The following GABRA5 variants were observed in gnomAD, a reference collection of about 807,000 sequenced individuals.
GABRA5 encodes gamma-aminobutyric acid type A receptor subunit alpha5.
Under a neutral mutation model 47.3 loss-of-function variants are expected in GABRA5, and 18 were observed. That is an observed-to-expected ratio of 0.38 (90% confidence interval 0.26 to 0.56). The LOEUF (loss-of-function observed/expected upper bound fraction) is 0.56, where lower values mean the gene tolerates loss of function less well. Ranked by LOEUF, GABRA5 falls within the 20% of genes least tolerant of loss-of-function variation. The pLI, the probability that GABRA5 is intolerant of heterozygous loss-of-function variation, is 0.71. For synonymous variants in GABRA5, 237 were observed against 229.3 expected (o/e 1.03, Z -0.30); for missense variants, 365 against 599.3 (o/e 0.61, Z 4.08).
chr15:26,911,354 C>T (rs975260308), intron 6 of GABRA5, among the ~76,000 whole-genome samples: 1 of 145,586 alleles, frequency 6.9e-6, no homozygotes, highest in African/African-American at 2.6e-5. Flanking sequence ...CCCTCCCTGC[C>T]CCCACCCTTG....
intron 1 of GABRA5, among the ~76,000 whole-genome samples, chr15:26,868,473 G>GA (rs1438935318): frequency 6.6e-6 from 1 of 152,248 alleles, no homozygotes. Flanking sequence ...CGCATACTGA[G>GA]AAATGCGTGT....
chr15:26,897,505 T>C (rs1893226999), intron 6 of GABRA5, among the ~76,000 whole-genome samples: 3 of 152,154 alleles, frequency 2.0e-5, no homozygotes, highest in African/African-American at 7.2e-5. Context: ...CAGCCCGTGG[T>C]ACTTTGTAAT....
chr15:26,888,165 T>G (rs1266472690), intron 6 of GABRA5, among the ~76,000 whole-genome samples: 3 of 152,194 alleles, frequency 2.0e-5, no homozygotes, highest in Admixed American at 6.5e-5. Flanking sequence ...AACTTATCCA[T>G]GATGTTGGCT....
At chr15:26,909,518 G>A (rs1313479252) in intron 6 of GABRA5, among the ~76,000 whole-genome samples, 1 of 152,176 alleles carries the variant, frequency 6.6e-6, no homozygotes, top group Non-Finnish European at 1.5e-5. Context: ...AAGGGTCCCA[G>A]GAGGCTACAG....
intron 3 of GABRA5, among the ~76,000 whole-genome samples, chr15:26,874,014 C>T (rs1210189339): frequency 6.6e-6 from 1 of 152,236 alleles, no homozygotes; most frequent in African/African-American, 2.4e-5. Flanking sequence ...AGGCACTGAG[C>T]AGGCAGGAGA....
intron 3 of GABRA5, among the ~76,000 whole-genome samples, chr15:26,874,960 C>T (rs1892557152): frequency 6.6e-6 from 1 of 152,234 alleles, no homozygotes; most frequent in Non-Finnish European, 1.5e-5. Context: ...CGGCTTCGAT[C>T]TCTGTCCACA....
chr15:26,893,046 T>A (rs1011526236), intron 6 of GABRA5, among the ~76,000 whole-genome samples: 17 of 149,578 alleles, frequency 1.1e-4, no homozygotes, highest in Admixed American at 9.3e-4. Flanking sequence ...TGGAGTGTGG[T>A]GTGTCTGTTG....
chr15:26,941,035 TCC>T (rs942393544), intron 9 of GABRA5, among the ~76,000 whole-genome samples: 4 of 152,310 alleles, frequency 2.6e-5, no homozygotes, highest in Non-Finnish European at 5.9e-5. Flanking sequence ...ATCTTAATGC[TCC>T]CCCAGGGTGT....
intron 6 of GABRA5, among the ~76,000 whole-genome samples, chr15:26,907,702 G>A (rs961254642): frequency 1.3e-4 from 20 of 152,146 alleles, no homozygotes; most frequent in South Asian, 2.1e-4. Context: ...CCTGGCAGTG[G>A]CCTTTGGGTT....
intron 7 of GABRA5, among the ~76,000 whole-genome samples, chr15:26,933,319 A>G (rs971920017): frequency 1.6e-4 from 25 of 152,202 alleles, no homozygotes; most frequent in Admixed American, 6.5e-5. Context: ...CCATTTTAAG[A>G]CCAGATGACT....
At chr15:26,931,526 A>G (rs1894108159) in intron 7 of GABRA5, among the ~76,000 whole-genome samples, 1 of 152,206 alleles carries the variant, frequency 6.6e-6, no homozygotes, top group South Asian at 2.1e-4. Flanking sequence ...TTTGTGAAAG[A>G]CACAAACTTT....
In GABRA5 at chr15:26,906,344, T is replaced by C. The variant is rs112221714; in HGVS notation, c.498-8459T>C. On this transcript the variant is annotated intron_variant, in intron 6 of 10. Transcript: ENST00000335625. Reference sequence around the variant, plus strand: ...CCTCTCTCAGTCTTTGCAGATAGGGTCTGTGTGCATGTTAAAACACTCTTT... The same window carrying C: ...CCTCTCTCAGTCTTTGCAGATAGGGCCTGTGTGCATGTTAAAACACTCTTT... 4.1e-3 allele frequency among the ~76,000 whole-genome samples: 619 copies of C among 152,272 alleles called. 5 individuals are homozygous for C. Among genetic ancestry groups the C allele is most frequent in the African/African-American group, 0.014 (579 of 41,558 alleles).
chr15:26,876,380 C>T (rs778369135), intron 3 of GABRA5, among the ~76,000 whole-genome samples: 6 of 152,212 alleles, frequency 3.9e-5, no homozygotes, highest in African/African-American at 1.4e-4. Flanking sequence ...GTGTCTGGAT[C>T]GTGCCCTGGG....
chr15:26,893,411 G>GTGTAT (rs1893081690), intron 6 of GABRA5, among the ~76,000 whole-genome samples: 1 of 69,388 alleles, frequency 1.4e-5, no homozygotes, highest in Non-Finnish European at 3.0e-5. Flanking sequence ...TGTGTTGTGT[G>GTGTAT]TGTTGTGTGT....
At chr15:26,921,926 C>G (rs771673541) in intron 7 of GABRA5, among the ~76,000 whole-genome samples, 4 of 152,022 alleles carry the variant, frequency 2.6e-5, no homozygotes, top group Non-Finnish European at 5.9e-5. Flanking sequence ...TCATTGACTT[C>G]TAGTTTAATT....
chr15:26,875,613 G>A (rs1193383090), intron 3 of GABRA5, among the ~76,000 whole-genome samples: 1 of 152,194 alleles, frequency 6.6e-6, no homozygotes, highest in Non-Finnish European at 1.5e-5. Context: ...AGGAGGAATG[G>A]CGGGTGAATC....
intron 6 of GABRA5, among the ~76,000 whole-genome samples, chr15:26,901,765 T>C (rs2140280197): frequency 6.6e-6 from 1 of 152,304 alleles, no homozygotes; most frequent in South Asian, 2.1e-4. Context: ...TCTTATGTTA[T>C]AGGAGTTTTA....
At chr15:26,911,081 C>T (rs1430396124) in intron 6 of GABRA5, among the ~76,000 whole-genome samples, 1 of 152,054 alleles carries the variant, frequency 6.6e-6, no homozygotes, top group African/African-American at 2.4e-5. Flanking sequence ...GAGGCTGAAA[C>T]AGTTCTTATT....
chr15:26,913,762 G>A (rs1309149722), intron 6 of GABRA5, among the ~76,000 whole-genome samples: 1 of 152,198 alleles, frequency 6.6e-6, no homozygotes, highest in Non-Finnish European at 1.5e-5. Flanking sequence ...AAAGGTGGTA[G>A]AGAAATGAAA....
Sources: allele counts gnomAD v4.1 joint callset (sites outside exome capture counted in the v4.1 genomes callset), GRCh38; gene constraint gnomAD v4.1.1; transcripts MANE v1.5; gene names NCBI Gene and HGNC (gene_info 2026-07-23, HGNC 2026-07-21).